The following COL8A1 variants were observed in gnomAD, a reference collection of about 807,000 sequenced individuals.
The protein encoded by COL8A1 is collagen alpha-1(VIII) chain.
A neutral mutation model predicts 42.7 loss-of-function variants in COL8A1; 21 were observed. The observed-to-expected ratio is 0.49, with a 90% CI of 0.35 to 0.71. COL8A1 has a LOEUF of 0.71. Among genes scored for constraint, COL8A1 ranks in the 30% least tolerant of loss-of-function variants. COL8A1 has a pLI of 0.01. For missense variants in COL8A1, 788 were observed against 962.4 expected, an observed-to-expected ratio of 0.82 and a Z score of 2.40; for synonymous variants, 367 against 369.1, an observed-to-expected ratio of 0.99 and a Z score of 0.06.
chr3:99,758,635 G>T (rs529386890), intron 2 of COL8A1, among the ~76,000 whole-genome samples: 1 of 152,222 alleles, frequency 6.6e-6, no homozygotes, highest in South Asian at 2.1e-4. Flanking sequence ...CAGATGTCTG[G>T]TCCACTCCCC....
At chr3:99,708,212 C>A (rs1939737554) in intron 1 of COL8A1, among the ~76,000 whole-genome samples, 1 of 152,174 alleles carries the variant, frequency 6.6e-6, no homozygotes. Context: ...TCCTCAACCA[C>A]TTCTCAAAGA....
chr3:99,707,828 C>G (rs982889179), intron 1 of COL8A1, among the ~76,000 whole-genome samples: 2 of 152,278 alleles, frequency 1.3e-5, no homozygotes, highest in South Asian at 2.1e-4. Flanking sequence ...GCACTATGTG[C>G]AGATACTGCT....
chr3:99,681,681 A>G (rs561755118), intron 1 of COL8A1, among the ~76,000 whole-genome samples: 58 of 152,300 alleles, frequency 3.8e-4, no homozygotes, highest in Non-Finnish European at 5.6e-4. Context: ...GTTAGACCCA[A>G]ATTATTTTCT....
intron 1 of COL8A1, among the ~76,000 whole-genome samples, chr3:99,729,221 G>A (rs1940427996): frequency 6.6e-6 from 1 of 151,986 alleles, no homozygotes; most frequent in Non-Finnish European, 1.5e-5. Flanking sequence ...TCCAACTATG[G>A]AAGCTTCTGT....
chr3:99,784,548 A>G (rs1394760302), intron 2 of COL8A1, among the ~76,000 whole-genome samples: 2 of 152,228 alleles, frequency 1.3e-5, no homozygotes, highest in Non-Finnish European at 2.9e-5. Flanking sequence ...ATCCTAAGCT[A>G]CAAACTTATA....
intron 2 of COL8A1, among the ~76,000 whole-genome samples, chr3:99,757,843 G>A (rs1941285018): frequency 6.6e-6 from 1 of 152,098 alleles, no homozygotes. Context: ...ATCTAGACTG[G>A]ATTTTAGAGG....
intron 1 of COL8A1, among the ~76,000 whole-genome samples, chr3:99,734,004 C>T (rs1411659513): frequency 5.9e-5 from 9 of 151,722 alleles, no homozygotes; most frequent in Non-Finnish European, 8.8e-5. Context: ...TTGTTTGTTT[C>T]TTTCTTGTAA....
rs552134484 is a variant in COL8A1, at chr3:99,795,691, C to G, written c.1790C>G (p.Pro597Arg). Reference protein sequence around the residue: ...DMGLGIDGVKPPHAYGAKKGK... With the variant: ...DMGLGIDGVKRPHAYGAKKGK... ...GGGCTGGGAATTGATGGCGTGAAAC[C>G]CCCCCATGCCTACGGGGCTAAGAAA... is the stretch of plus-strand genomic sequence containing the variant. Residue 597 changes from proline (P) to arginine (R), a missense_variant, in exon 4 of 4, where the codon CCC (proline) becomes CGC (arginine). Coordinates refer to ENST00000652472, the MANE Select transcript of COL8A1 (RefSeq NM_020351.4). 4.7e-5 allele frequency: 76 copies of G among 1,614,048 alleles called. No homozygotes were observed. In the South Asian group the frequency reaches 7.4e-4, roughly 16 times the overall value.
In COL8A1 at chr3:99,793,969, C is replaced by G. The variant is rs141184749; in HGVS notation, c.329-261C>G. Among the ~76,000 whole-genome samples, 1,190 of 152,268 alleles carry G rather than the reference C, an allele frequency of 7.8e-3. 21 individuals carry two copies. Among genetic ancestry groups the G allele is most frequent in the African/African-American group, 0.026 (1,099 of 41,538 alleles). ...GTTTCACTGTGTTGGCCAAGCTGGT[C>G]TCGAACTCCTGACTTCAGGTGATGC... On this transcript the variant is annotated intron_variant, in intron 3 of 3. Transcript: ENST00000652472.
intron 1 of COL8A1, among the ~76,000 whole-genome samples, chr3:99,647,838 T>G (rs887732315): frequency 1.3e-5 from 2 of 152,228 alleles, no homozygotes; most frequent in East Asian, 3.8e-4. Context: ...GAGGAATTAC[T>G]TAGTTTATCT....
At chr3:99,785,930 G>C (rs908454609) in intron 2 of COL8A1, among the ~76,000 whole-genome samples, 8 of 152,084 alleles carry the variant, frequency 5.3e-5, no homozygotes, top group Admixed American at 3.3e-4. Flanking sequence ...GAAATCTACA[G>C]AGAAATAAAA....
intron 2 of COL8A1, among the ~76,000 whole-genome samples, chr3:99,766,487 T>C (rs902176928): frequency 1.3e-5 from 2 of 152,268 alleles, no homozygotes; most frequent in Non-Finnish European, 2.9e-5. Context: ...AGTAAACTTT[T>C]ATATTCTTTC....
At chr3:99,748,857 T>C (rs1189308233) in intron 2 of COL8A1, among the ~76,000 whole-genome samples, 2 of 152,184 alleles carry the variant, frequency 1.3e-5, no homozygotes, top group Admixed American at 1.3e-4. Context: ...TTTTATACCG[T>C]TGAATACTTG....
intron 1 of COL8A1, among the ~76,000 whole-genome samples, chr3:99,715,900 T>C (rs1939981599): frequency 6.6e-6 from 1 of 152,082 alleles, no homozygotes; most frequent in Admixed American, 6.6e-5. Context: ...GAGATGACTC[T>C]GAACACTCTA....
chr3:99,713,330 C>T (rs73860410), intron 1 of COL8A1, among the ~76,000 whole-genome samples: 4,997 of 152,148 alleles, frequency 0.033, 278 homozygotes, highest in African/African-American at 0.11. Flanking sequence ...TCATGCCCCA[C>T]GTGCAGTCTC....
At chr3:99,731,305 G>T (rs1940501815) in intron 1 of COL8A1, among the ~76,000 whole-genome samples, 1 of 152,132 alleles carries the variant, frequency 6.6e-6, no homozygotes, top group Admixed American at 6.6e-5. Context: ...GATTGAAATG[G>T]TGAAGCGTCC....
intron 1 of COL8A1, among the ~76,000 whole-genome samples, chr3:99,699,004 A>T (rs1014421882): frequency 2.0e-5 from 3 of 152,216 alleles, no homozygotes; most frequent in Admixed American, 2.0e-4. Flanking sequence ...ACCAAAATGA[A>T]GGAGGATGTG....
At chr3:99,737,170 A>T (rs28820982) in intron 1 of COL8A1, among the ~76,000 whole-genome samples, 33,180 of 152,094 alleles carry the variant, frequency 0.22, 4,242 homozygotes, top group African/African-American at 0.34. Flanking sequence ...CACTGATGCG[A>T]CTTGACTCTT....
intron 2 of COL8A1, among the ~76,000 whole-genome samples, chr3:99,778,303 A>G (rs913436790): frequency 2.0e-5 from 3 of 152,154 alleles, no homozygotes; most frequent in African/African-American, 7.2e-5. Flanking sequence ...TAAAAGTAAC[A>G]CTGGGGTCAC....
Sources: allele counts gnomAD v4.1 joint callset (sites outside exome capture counted in the v4.1 genomes callset), GRCh38; gene constraint gnomAD v4.1.1; transcripts MANE v1.5; gene names NCBI Gene and HGNC (gene_info 2026-07-23, HGNC 2026-07-21).